FMN1: variants seen among roughly 807,000 people sequenced by gnomAD.
FMN1 encodes formin 1.
In FMN1, 110 loss-of-function variants were observed where a neutral mutation model predicts 132.4. That is an observed-to-expected ratio of 0.83 (90% CI 0.71 to 0.97). FMN1 has a LOEUF of 0.97. Among genes scored for constraint, FMN1 ranks in the 50% least tolerant of loss-of-function variants. The probability of loss-of-function intolerance (pLI) is 0.00; values close to 1 mark genes in which losing one functional copy is unlikely to be tolerated. For synonymous variants in FMN1, 722 were observed against 651.7 expected, an observed-to-expected ratio of 1.11 and a Z score of -1.64; for missense variants, 1,792 against 1,705.3, an observed-to-expected ratio of 1.05 and a Z score of -0.90.
chr15:33,115,493 C>G (rs758544345), intron 4 of FMN1, among the ~76,000 whole-genome samples: 41 of 81,330 alleles, frequency 5.0e-4, no homozygotes, highest in Non-Finnish European at 9.0e-4. Flanking sequence ...ATCCTTAAGC[C>G]CCCCCCCCCC....
chr15:32,925,406 C>G lies in FMN1; in HGVS notation c.3226+768G>C, dbSNP rs540764973. The stretch of plus-strand genomic sequence containing the variant: ...ACTCAGATTAAGTCTCTAGATCAGA[C>G]AGTTTATAGAAAACAGGGGACAGGG... On this transcript the variant is annotated intron_variant, in intron 10 of 20. Transcript: ENST00000616417. 3.9e-5 allele frequency among the ~76,000 whole-genome samples: 6 copies of G among 152,250 alleles called. 1 individual carries two copies. In the East Asian group the frequency reaches 1.2e-3, roughly 29 times the overall value.
At position 33,154,019 on chromosome 15, in the gene FMN1, T is replaced by G. The variant is rs750931077; in HGVS notation, c.896A>C (p.His299Pro). 1.3e-6 allele frequency: 2 copies of G among 1,536,542 alleles called. No homozygotes were observed. The highest frequency in any genetic ancestry group is 1.7e-6 in the Non-Finnish European group (2 of 1,147,010). ...CTCTGGATGCTTCTCAGGGTCCTGG[T>G]GACTTTCAGACAAACCTGTTTGCTG... ...EHQQTGLSES[H>P]QDPEKHPEAE... Residue 299 changes from histidine to proline, a missense_variant, in exon 4 of 21, where the codon CAC (histidine) becomes CCC (proline). By Grantham distance (77) the His-to-Pro change is moderately conservative. Around this residue, in one of 3 missense-constraint regions of FMN1, gnomAD observed 638 missense variants for 645.2 expected, o/e 0.99. Coordinates refer to ENST00000616417, the MANE Select transcript of FMN1 (RefSeq NM_001277313.2).
chr15:32,991,494 A>G (rs1014651389), intron 7 of FMN1, among the ~76,000 whole-genome samples: 1 of 152,120 alleles, frequency 6.6e-6, no homozygotes, highest in Non-Finnish European at 1.5e-5. Flanking sequence ...CGAAAATCAC[A>G]ATCTAGGGAG....
At chr15:32,984,309 A>T (rs1038074260) in intron 7 of FMN1, among the ~76,000 whole-genome samples, 2 of 152,096 alleles carry the variant, frequency 1.3e-5, no homozygotes, top group Admixed American at 1.3e-4. Context: ...ATTTTTTCTT[A>T]GTTTTAAAGA....
intron 7 of FMN1, among the ~76,000 whole-genome samples, chr15:32,989,859 T>G (rs1360345875): frequency 6.6e-6 from 1 of 152,138 alleles, no homozygotes; most frequent in African/African-American, 2.4e-5. Context: ...CAAGGATGCA[T>G]CTGAGGTTTT....
At chr15:32,875,744 G>C (rs973420128) in intron 16 of FMN1, among the ~76,000 whole-genome samples, 4 of 152,220 alleles carry the variant, frequency 2.6e-5, no homozygotes, top group Non-Finnish European at 5.9e-5. Context: ...TGTGGATTGT[G>C]AATCTTCCAC....
intron 6 of FMN1, among the ~76,000 whole-genome samples, chr15:33,054,017 C>T (rs1409986817): frequency 6.6e-6 from 1 of 152,162 alleles, no homozygotes; most frequent in Non-Finnish European, 1.5e-5. Context: ...TCTCCTCTCC[C>T]TGAGAGTTGA....
At chr15:32,899,846 G>T in intron 14 of FMN1, 133 bp downstream of exon 14, 2 of 867,776 alleles carry the variant, frequency 2.3e-6, no homozygotes, top group African/African-American at 1.7e-5. Flanking sequence ...ACAAAAAAAT[G>T]CATGCTCTAA....
intron 6 of FMN1, among the ~76,000 whole-genome samples, chr15:33,031,994 G>T (rs779223399): frequency 5.9e-5 from 9 of 152,148 alleles, no homozygotes; most frequent in African/African-American, 1.7e-4. Flanking sequence ...ATGTAATCAT[G>T]AAGTGTTACA....
intron 4 of FMN1, among the ~76,000 whole-genome samples, chr15:33,120,165 T>C (rs1204523582): frequency 6.6e-6 from 1 of 152,238 alleles, no homozygotes; most frequent in Non-Finnish European, 1.5e-5. Context: ...AGCAGCATAG[T>C]GAAATGAAAA....
At position 33,154,088 on chromosome 15, in the gene FMN1, G is replaced by T; in HGVS notation, c.827C>A (p.Ala276Glu). 6.5e-7 allele frequency: 1 copy of T among 1,536,190 alleles called. No individual in the cohort carries two copies. Among genetic ancestry groups the T allele is most frequent in the Non-Finnish European group, 8.7e-7 (1 of 1,146,936 alleles). Residue 276 changes from alanine (A) to glutamate (E), a missense_variant, in exon 4 of 21, where the codon GCA becomes GAA. By Grantham distance (107) the Ala-to-Glu change is moderately radical. This residue lies in a region of FMN1 where 638 missense variants were observed against 645.2 expected (regional missense o/e 0.99). Transcript: ENST00000616417. ...VLPPDCSSTEAGGDGIRRPPS... is the reference protein window; with the variant it reads ...VLPPDCSSTEEGGDGIRRPPS... The stretch of plus-strand genomic sequence containing the variant: ...CGGCCTCCGAATGCCATCCCCTCCT[G>T]CCTCTGTGGAGCTGCAGTCAGGGGG...
At position 33,128,324 on chromosome 15, in the gene FMN1, G is replaced by A. The variant is rs535325977; in HGVS notation, c.1867+24724C>T. Among the ~76,000 whole-genome samples, 8 of 152,294 alleles carry A rather than the reference G, an allele frequency of 5.3e-5. 1 individual carries two copies. In the South Asian group the frequency reaches 6.2e-4, roughly 12 times the overall value. ...CTGCTGACTAGGCCCGACCATCAACGGGGTCTGATTCCGGGCCTGATCCTT... is the reference window on the plus strand; with the variant it reads ...CTGCTGACTAGGCCCGACCATCAACAGGGTCTGATTCCGGGCCTGATCCTT... On this transcript the variant is annotated intron_variant, in intron 4 of 20. Transcript: ENST00000616417.
chr15:32,911,086 C>A (rs777402984), intron 10 of FMN1, among the ~76,000 whole-genome samples: 1 of 152,136 alleles, frequency 6.6e-6, no homozygotes, highest in Non-Finnish European at 1.5e-5. Context: ...TTATGGAAAC[C>A]TCCCATGAGC....
chr15:33,021,740 C>G (rs572040138), intron 6 of FMN1, among the ~76,000 whole-genome samples: 3 of 152,186 alleles, frequency 2.0e-5, no homozygotes, highest in Admixed American at 2.0e-4. Flanking sequence ...CTGGGATAAC[C>G]TGCCTTCTAC....
In FMN1 at chr15:32,969,397, A is replaced by G; in HGVS notation, c.2304T>C (p.Asn768=). Residue 768 remains asparagine, a synonymous_variant, in exon 8 of 21, where the codon AAT becomes AAC. Coordinates refer to ENST00000616417, the MANE Select transcript of FMN1 (RefSeq NM_001277313.2). ...ITARLEETIE[N]LKHELEHRWR... is the part of the protein sequence containing the mutation. Reference sequence around the variant, plus strand: ...ATCTGTGTTCTAGCTCGTGTTTCAGATTTTCAATGGTTTCTTCTAGTCTCG... The same window carrying G: ...ATCTGTGTTCTAGCTCGTGTTTCAGGTTTTCAATGGTTTCTTCTAGTCTCG... The G allele has an allele frequency of 6.2e-7, 1 of 1,613,796 alleles. No individual in the cohort carries two copies. The highest frequency in any genetic ancestry group is 8.5e-7 in the Non-Finnish European group (1 of 1,179,854).
chr15:32,789,882 C>T (rs879755858), intron 19 of FMN1, among the ~76,000 whole-genome samples: 9 of 152,148 alleles, frequency 5.9e-5, no homozygotes, highest in African/African-American at 1.9e-4. Flanking sequence ...AGTAACCTGC[C>T]GTACAGGTTT....
At chr15:33,135,024 A>G (rs889061137) in intron 4 of FMN1, among the ~76,000 whole-genome samples, 2 of 152,220 alleles carry the variant, frequency 1.3e-5, no homozygotes, top group South Asian at 2.1e-4. Context: ...ATAAGTAGGA[A>G]AACATTTTGA....
chr15:33,145,029 A>C (rs1291279665), intron 4 of FMN1, among the ~76,000 whole-genome samples: 4 of 152,212 alleles, frequency 2.6e-5, no homozygotes, highest in African/African-American at 7.2e-5. Context: ...GGGAGTAATA[A>C]CAAGCTAAAA....
intron 4 of FMN1, among the ~76,000 whole-genome samples, chr15:33,107,612 G>A (rs751367827): frequency 4.6e-5 from 7 of 152,042 alleles, no homozygotes; most frequent in Non-Finnish European, 8.8e-5. Flanking sequence ...ATGTTCCCCA[G>A]GCTGTTAAAT....
Sources: gnomAD v4.1 joint callset for allele counts (sites outside exome capture counted in the v4.1 genomes callset) on GRCh38, gnomAD v4.1.1 for gene constraint, gnomAD v4.1.1 regional missense constraint, MANE v1.5 for transcripts, NCBI Gene and HGNC (gene_info 2026-07-23, HGNC 2026-07-21) for gene names.